The following CDH4 variants were observed in gnomAD, a reference collection of about 807,000 sequenced individuals.
The protein encoded by CDH4 is cadherin-4.
CDH4 carries 33 observed loss-of-function variants against 86.0 expected under a neutral mutation model. That is an observed-to-expected ratio of 0.38 (90% CI 0.29 to 0.51). The LOEUF (loss-of-function observed/expected upper bound fraction) is 0.51. Among genes scored for constraint, CDH4 ranks in the 20% least tolerant of loss-of-function variants. CDH4 has a pLI of 0.86. For missense variants in CDH4, 1,114 were observed against 1,307.4 expected (o/e 0.85, Z 2.28); for synonymous variants, 555 against 549.4 (o/e 1.01, Z -0.14).
chr20:61,562,677 G>A (rs1429539183), intron 2 of CDH4, among the ~76,000 whole-genome samples: 1 of 152,250 alleles, frequency 6.6e-6, no homozygotes, highest in Non-Finnish European at 1.5e-5. Flanking sequence ...GTTGAACAGA[G>A]CAATACAGGA....
intron 3 of CDH4, among the ~76,000 whole-genome samples, chr20:61,763,326 C>A (rs143854761): frequency 6.6e-4 from 100 of 152,326 alleles, no homozygotes; most frequent in African/African-American, 2.3e-3. Flanking sequence ...GCTCAGGGAA[C>A]CCAGGCCCTG....
chr20:61,903,014 C>G (rs1348085236), intron 8 of CDH4, among the ~76,000 whole-genome samples: 2 of 32,668 alleles, frequency 6.1e-5, no homozygotes, highest in Non-Finnish European at 1.2e-4. Context: ...GCAAGACTGT[C>G]TCAAAAAAAA....
At chr20:61,744,932 G>A (rs1210563479) in intron 3 of CDH4, among the ~76,000 whole-genome samples, 1 of 152,214 alleles carries the variant, frequency 6.6e-6, no homozygotes, top group East Asian at 1.9e-4. Context: ...TGAAGAAGCT[G>A]CAACCAGGCG....
intron 4 of CDH4, among the ~76,000 whole-genome samples, chr20:61,809,988 C>G (rs1389924465): frequency 6.6e-6 from 1 of 152,132 alleles, no homozygotes; most frequent in Non-Finnish European, 1.5e-5. Flanking sequence ...AGAAGACCAT[C>G]GTATCAGTTG....
At chr20:61,537,921 G>A (rs1185387187) in intron 2 of CDH4, among the ~76,000 whole-genome samples, 1 of 152,216 alleles carries the variant, frequency 6.6e-6, no homozygotes, top group African/African-American at 2.4e-5. Flanking sequence ...CCTCTCCGCA[G>A]TGTCTGCATC....
At chr20:61,336,297 T>A (rs1348294298) in intron 2 of CDH4, among the ~76,000 whole-genome samples, 1 of 152,204 alleles carries the variant, frequency 6.6e-6, no homozygotes, top group Non-Finnish European at 1.5e-5. Flanking sequence ...GAGTGATGTG[T>A]ATAAAATATG....
chr20:61,725,912 G>C lies in CDH4; in HGVS notation c.170-17651G>C, dbSNP rs1010260350. 2.0e-5 allele frequency among the ~76,000 whole-genome samples: 3 copies of C among 152,232 alleles called. No homozygotes were observed. In the East Asian group the frequency reaches 5.8e-4, roughly 29 times the overall value. On this transcript the variant is annotated intron_variant, in intron 2 of 15. Transcript: ENST00000614565. ...CTAATGAGGGAGGCTTGCGGCTCTA[G>C]AAATAGCCTGGCCGGTCCTGTGTCT...
Position 61,464,563 on chromosome 20 carries a change from T to C in CDH4, c.169+209626T>C, listed in dbSNP as rs758415315. Among the ~76,000 whole-genome samples the C allele has an allele frequency of 3.8e-4, 58 of 152,344 alleles. 1 individual carries two copies. The highest frequency in any genetic ancestry group is 7.1e-4 in the Non-Finnish European group (48 of 68,034). ...CACGCAGCACTTGGTCCCTGAGTAG[T>C]GACTAATACTAGAGAAGGTTAATTG... On this transcript the variant is annotated intron_variant, in intron 2 of 15. Coordinates refer to ENST00000614565, the MANE Select transcript of CDH4 (RefSeq NM_001794.5).
chr20:61,347,017 G>A (rs2084683036), intron 2 of CDH4, among the ~76,000 whole-genome samples: 1 of 152,160 alleles, frequency 6.6e-6, no homozygotes, highest in Non-Finnish European at 1.5e-5. Flanking sequence ...TGGTTTCATG[G>A]CTGTCTCCTC....
chr20:61,671,540 G>C (rs1247819939), intron 2 of CDH4, among the ~76,000 whole-genome samples: 1 of 152,070 alleles, frequency 6.6e-6, no homozygotes, highest in Non-Finnish European at 1.5e-5. Flanking sequence ...CAAATGGATG[G>C]ATGGATGATG....
At chr20:61,425,116 G>A (rs1272635587) in intron 2 of CDH4, among the ~76,000 whole-genome samples, 1 of 152,204 alleles carries the variant, frequency 6.6e-6, no homozygotes, top group Non-Finnish European at 1.5e-5. Context: ...CCCCAAGACC[G>A]CCTGTGTGGC....
At chr20:61,655,024 G>T (rs2087172452) in intron 2 of CDH4, among the ~76,000 whole-genome samples, 1 of 152,272 alleles carries the variant, frequency 6.6e-6, no homozygotes, top group Admixed American at 6.5e-5. Context: ...GCGACACTGG[G>T]TCCCAGGGTG....
At position 61,252,496 on chromosome 20, in the gene CDH4, G is replaced by C; in HGVS notation, c.-18G>C. On this transcript the variant is annotated 5_prime_UTR_variant, in exon 1 of 16. Transcript: ENST00000614565. The surrounding 1 kb of genome is among the most constrained non-coding windows in gnomAD (Gnocchi z 4.4). ...GAGCGGGCTCCCGGTGCCGGGCACC[G>C]GGCGGGCGGCGGGGAAGATGACCGC... is the stretch of plus-strand genomic sequence containing the variant. 8.6e-7 allele frequency: 1 copy of C among 1,160,078 alleles called. No homozygotes were observed. Among genetic ancestry groups the C allele is most frequent in the Non-Finnish European group, 1.1e-6 (1 of 942,900 alleles). 71.9% of individuals were successfully genotyped at this position (1,160,078 alleles called of 1,614,324 possible).
At chr20:61,394,416 C>T (rs532349017) in intron 2 of CDH4, among the ~76,000 whole-genome samples, 17 of 152,298 alleles carry the variant, frequency 1.1e-4, no homozygotes, top group Non-Finnish European at 7.3e-5. Context: ...TAAAGAAAGT[C>T]GGTTGTTCCC....
chr20:61,359,309 T>G (rs2084771028), intron 2 of CDH4, among the ~76,000 whole-genome samples: 2 of 152,194 alleles, frequency 1.3e-5, no homozygotes, highest in Admixed American at 6.5e-5. Flanking sequence ...ATTTGTCAGC[T>G]ACGCCGACCC....
chr20:61,532,312 TTCTTCTATGG>T (rs2085960991), intron 2 of CDH4, among the ~76,000 whole-genome samples: 1 of 152,324 alleles, frequency 6.6e-6, no homozygotes, highest in Admixed American at 6.5e-5. Context: ...GGTTTCTTTG[TTCTTCTATGG>T]TCTTCACACA....
intron 6 of CDH4, among the ~76,000 whole-genome samples, chr20:61,861,668 G>A (rs1017602635): frequency 1.3e-5 from 2 of 151,856 alleles, no homozygotes; most frequent in Non-Finnish European, 2.9e-5. Flanking sequence ...GTCGGGCCGA[G>A]GCCTGTGTGG....
intron 2 of CDH4, among the ~76,000 whole-genome samples, chr20:61,484,428 C>T (rs1177131698): frequency 6.6e-6 from 1 of 152,212 alleles, no homozygotes; most frequent in Non-Finnish European, 1.5e-5. Context: ...CCTCACTGGG[C>T]ACGAGCTGCA....
intron 2 of CDH4, among the ~76,000 whole-genome samples, chr20:61,637,785 C>T (rs1012620773): frequency 6.6e-5 from 10 of 152,016 alleles, no homozygotes; most frequent in Admixed American, 5.2e-4. Context: ...CTTTGGGAGG[C>T]GGAGGCGGGC....
Sources: allele counts gnomAD v4.1 joint callset (sites outside exome capture counted in the v4.1 genomes callset), GRCh38; gene constraint gnomAD v4.1.1; non-coding constraint Gnocchi (gnomAD v3.1); transcripts MANE v1.5; gene names NCBI Gene and HGNC (gene_info 2026-07-23, HGNC 2026-07-21).